The following OPTC variants were observed in gnomAD, a reference collection of about 807,000 sequenced individuals.
OPTC encodes oculoglycan.
A neutral mutation model predicts 25.4 loss-of-function variants in OPTC; 22 were observed. That is an observed-to-expected ratio of 0.87 (90% CI 0.62 to 1.24). The LOEUF (loss-of-function observed/expected upper bound fraction) is 1.24. OPTC is among the 50% of genes most tolerant of loss of function. The pLI, the probability that OPTC is intolerant of heterozygous loss-of-function variation, is 0.00. For synonymous variants in OPTC, 169 were observed against 179.3 expected (o/e 0.94, Z 0.46); for missense variants, 417 against 425.2 (o/e 0.98, Z 0.17).
Position 203,502,989 on chromosome 1 carries a change from C to T in OPTC, c.808C>T (p.Leu270=). The T allele has an allele frequency of 6.2e-7, 1 of 1,613,804 alleles. No individual in the cohort carries two copies. Among genetic ancestry groups the T allele is most frequent in the Non-Finnish European group, 8.5e-7 (1 of 1,179,916 alleles). Residue 270 remains leucine, a synonymous_variant, in exon 6 of 8, where the codon CTG becomes TTG. Coordinates refer to ENST00000367222, the MANE Select transcript of OPTC (RefSeq NM_014359.4). ...DSIPGPLPLS[L]RSVHLQNNLI... ...TATCCCGGGGCCTTTGCCCCTGAGC[C>T]TGCGCTCTGTACACCTGCAGGTAAG... is the stretch of plus-strand genomic sequence containing the variant.
chr1:203,500,677 G>A (rs1358585086), intron 5 of OPTC, among the ~76,000 whole-genome samples: 1 of 152,206 alleles, frequency 6.6e-6, no homozygotes, highest in Non-Finnish European at 1.5e-5. Flanking sequence ...GTTACTGGCT[G>A]AGCATCCCTA....
chr1:203,498,633 C>T (rs1661316467), intron 3 of OPTC, 48 bp from the exon 4 acceptor site: 6 of 1,612,772 alleles, frequency 3.7e-6, no homozygotes, highest in Middle Eastern at 1.6e-4. Flanking sequence ...GCCATTGGCC[C>T]CAGAGGCTAA....
chr1:203,502,103 T>C (rs1244947080), intron 5 of OPTC, among the ~76,000 whole-genome samples: 3 of 152,082 alleles, frequency 2.0e-5, no homozygotes, highest in African/African-American at 7.2e-5. Flanking sequence ...AAGATAGCAT[T>C]TTACAAAGAG....
intron 1 of OPTC, among the ~76,000 whole-genome samples, chr1:203,494,723 C>T (rs545381405): frequency 2.0e-5 from 3 of 151,970 alleles, no homozygotes; most frequent in Non-Finnish European, 2.9e-5. Flanking sequence ...CTACTAGAAA[C>T]TTGTGCAGCT....
At chr1:203,500,373 A>G (rs1363171301) in intron 5 of OPTC, among the ~76,000 whole-genome samples, 1 of 95,460 alleles carries the variant, frequency 1.0e-5, no homozygotes, top group Admixed American at 1.2e-4. Flanking sequence ...TGCCACCTCT[A>G]CCACCCACCT....
At chr1:203,495,715 G>A (rs1661266162) in intron 1 of OPTC, among the ~76,000 whole-genome samples, 1 of 152,202 alleles carries the variant, frequency 6.6e-6, no homozygotes, top group African/African-American at 2.4e-5. Context: ...GTCTGCACAT[G>A]CCTCTGTGAG....
At chr1:203,505,271 C>G (rs1030418910) in intron 7 of OPTC, among the ~76,000 whole-genome samples, 1 of 152,302 alleles carries the variant, frequency 6.6e-6, no homozygotes, top group African/African-American at 2.4e-5. Flanking sequence ...ACACCAATAA[C>G]CATGCTATTC....
chr1:203,496,943 C>G (rs1661290041), intron 2 of OPTC, 34 bp from the exon 3 acceptor site: 2 of 1,613,514 alleles, frequency 1.2e-6, no homozygotes, highest in Non-Finnish European at 1.7e-6. Flanking sequence ...TGTGCAAAAG[C>G]TGGGCTACTG....
In OPTC at chr1:203,502,987, G is replaced by A. The variant is rs377636143; in HGVS notation, c.806G>A (p.Ser269Asn). The part of the protein sequence containing the change: ...LDSIPGPLPL[S>N]LRSVHLQNNL... Reference sequence around the variant, plus strand: ...TCTATCCCGGGGCCTTTGCCCCTGAGCCTGCGCTCTGTACACCTGCAGGTA... The same window carrying A: ...TCTATCCCGGGGCCTTTGCCCCTGAACCTGCGCTCTGTACACCTGCAGGTA... Residue 269 changes from serine to asparagine, a missense_variant, in exon 6 of 8, where the codon AGC (serine) becomes AAC (asparagine). Coordinates refer to ENST00000367222, the MANE Select transcript of OPTC (RefSeq NM_014359.4). 3.1e-6 allele frequency: 5 copies of A among 1,613,680 alleles called. No individual in the cohort carries two copies. The highest frequency in any genetic ancestry group is 4.2e-6 in the Non-Finnish European group (5 of 1,179,930).
At chr1:203,498,986 C>T in intron 4 of OPTC, 147 bp downstream of exon 4, 1 of 866,558 alleles carries the variant, frequency 1.2e-6, no homozygotes. Context: ...AGGGAAATAG[C>T]CCGAAGTCTC....
At chr1:203,502,213 G>C (rs4634968) in intron 5 of OPTC, among the ~76,000 whole-genome samples, 62,203 of 151,938 alleles carry the variant, frequency 0.41, 13,115 homozygotes, top group African/African-American at 0.5. Context: ...CTTCCCAAAC[G>C]CTTCTCTGAT....
rs530880865 is a variant in OPTC, at chr1:203,494,638, C to A, written c.-42+421C>A. Among the ~76,000 whole-genome samples the A allele has an allele frequency of 4.6e-5, 7 of 151,854 alleles. No individual in the cohort carries two copies. The East Asian group carries it at 1.2e-3, about 25-fold the overall frequency. ...CACTCCAGGCTGGGCAACAGAGTGA[C>A]ACCGTCTTAAAAATAGAAAATAAAA... On this transcript the variant is annotated intron_variant, in intron 1 of 7. Coordinates refer to ENST00000367222, the MANE Select transcript of OPTC (RefSeq NM_014359.4).
At chr1:203,502,547 G>A (rs1661407053) in intron 5 of OPTC, among the ~76,000 whole-genome samples, 1 of 152,150 alleles carries the variant, frequency 6.6e-6, no homozygotes, top group Admixed American at 6.5e-5. Context: ...ATTGGGGAAA[G>A]TCCTTTCTGA....
chr1:203,496,584 G>A (rs1413067899), intron 2 of OPTC, among the ~76,000 whole-genome samples: 2 of 152,178 alleles, frequency 1.3e-5, no homozygotes, highest in Non-Finnish European at 2.9e-5. Context: ...TTCTTTCCCA[G>A]GTCCTCTTGG....
chr1:203,496,197 C>G lies in OPTC; in HGVS notation c.192C>G (p.Asn64Lys). ...ATGGTGAAGTCATTGACCTGAGCAA[C>G]TATGAGGAGCTCACAGATTATGGGG... is the stretch of plus-strand genomic sequence containing the variant. ...DNYGEVIDLS[N>K]YEELTDYGDQ... The change falls in exon 2 of 8, where the codon AAC (asparagine) becomes AAG (lysine). Residue 64 changes from asparagine to lysine, a missense_variant. By Grantham distance (94) the Asn-to-Lys change is moderately conservative. Coordinates refer to ENST00000367222, the MANE Select transcript of OPTC (RefSeq NM_014359.4). 1 of 1,614,144 alleles carries G rather than the reference C, an allele frequency of 6.2e-7. No individual in the cohort carries two copies.
At chr1:203,494,494 G>C (rs1396076193) in intron 1 of OPTC, among the ~76,000 whole-genome samples, 1 of 151,900 alleles carries the variant, frequency 6.6e-6, no homozygotes, top group East Asian at 1.9e-4. Flanking sequence ...AGAAAGGGTG[G>C]GGAGGTTAAC....
At chr1:203,504,985 T>A (rs1043280978) in intron 7 of OPTC, among the ~76,000 whole-genome samples, 2 of 152,204 alleles carry the variant, frequency 1.3e-5, no homozygotes, top group Non-Finnish European at 2.9e-5. Context: ...AGTGATTTGT[T>A]CCTTGAGTTA....
intron 3 of OPTC, among the ~76,000 whole-genome samples, chr1:203,497,875 G>A (rs1021835615): frequency 2.0e-5 from 3 of 152,128 alleles, no homozygotes; most frequent in African/African-American, 7.2e-5. Flanking sequence ...AGATGCTGGG[G>A]CCCCTCTGCT....
chr1:203,499,451 A>C (rs1297859063), intron 4 of OPTC, among the ~76,000 whole-genome samples, 198 bp from the exon 5 acceptor site: 2 of 152,116 alleles, frequency 1.3e-5, no homozygotes, highest in Non-Finnish European at 2.9e-5. Context: ...AGGGAGGGGC[A>C]CTGAGGCATC....
Sources: gnomAD v4.1 joint callset for allele counts (sites outside exome capture counted in the v4.1 genomes callset) on GRCh38, gnomAD v4.1.1 for gene constraint, MANE v1.5 for transcripts, NCBI Gene and HGNC (gene_info 2026-07-23, HGNC 2026-07-21) for gene names.